LEMD1: variants seen among roughly 807,000 people sequenced by gnomAD.
LEMD1 encodes the protein LEM domain containing 1.
In LEMD1, 18 loss-of-function variants were observed where a neutral mutation model predicts 17.4. That is an observed-to-expected ratio of 1.04 (90% CI 0.72 to 1.54). The LOEUF is 1.54. Ranked by LOEUF, LEMD1 falls within the 40% of genes most tolerant of loss-of-function variation. The pLI, the probability that LEMD1 is intolerant of heterozygous loss-of-function variation, is 0.00. For missense variants in LEMD1, 195 were observed against 210.4 expected (o/e 0.93, Z 0.45); for synonymous variants, 88 against 77.8 (o/e 1.13, Z -0.69).
chr1:205,427,062 G>A (rs568284859), intron 1 of LEMD1, among the ~76,000 whole-genome samples: 6 of 152,156 alleles, frequency 3.9e-5, no homozygotes, highest in African/African-American at 9.6e-5. Flanking sequence ...AACAGGCTCC[G>A]GGGTCATACT....
At chr1:205,391,233 A>G (rs1664316161) in intron 4 of LEMD1, among the ~76,000 whole-genome samples, 2 of 152,196 alleles carry the variant, frequency 1.3e-5, no homozygotes, top group South Asian at 4.1e-4. Context: ...TATTCTGCTA[A>G]GTACAGCCAA....
At chr1:205,403,182 C>T (rs1051218592) in intron 4 of LEMD1, among the ~76,000 whole-genome samples, 3 of 152,206 alleles carry the variant, frequency 2.0e-5, no homozygotes, top group African/African-American at 7.2e-5. Flanking sequence ...TGTGTCTCTG[C>T]CCGGCTTTGG....
intron 1 of LEMD1, among the ~76,000 whole-genome samples, chr1:205,421,195 G>T (rs1032977196): frequency 6.6e-6 from 1 of 152,102 alleles, no homozygotes; most frequent in South Asian, 2.1e-4. Flanking sequence ...GATTCATATA[G>T]ATTTATGTAA....
chr1:205,392,124 A>G (rs576668622), intron 4 of LEMD1, among the ~76,000 whole-genome samples: 1 of 152,032 alleles, frequency 6.6e-6, no homozygotes, highest in African/African-American at 2.4e-5. Context: ...AAAAACAAAA[A>G]ACAAAAACCA....
intron 1 of LEMD1, among the ~76,000 whole-genome samples, chr1:205,443,894 GGAGT>G (rs1666338745): frequency 6.6e-6 from 1 of 152,124 alleles, no homozygotes; most frequent in Non-Finnish European, 1.5e-5. Context: ...AGGTACCTGG[GGAGT>G]CCCTCTGCCA....
intron 4 of LEMD1, among the ~76,000 whole-genome samples, chr1:205,414,927 A>G (rs944090639): frequency 3.9e-5 from 6 of 152,214 alleles, no homozygotes; most frequent in Non-Finnish European, 8.8e-5. Context: ...AAGCTAGGAT[A>G]GCAGCAGGGG....
chr1:205,404,413 A>T (rs1280692969), intron 4 of LEMD1, among the ~76,000 whole-genome samples: 3 of 151,868 alleles, frequency 2.0e-5, no homozygotes, highest in Non-Finnish European at 4.4e-5. Flanking sequence ...ATATTTAGGA[A>T]AGTTAGCTCT....
At chr1:205,405,109 G>C (rs1463817483) in intron 4 of LEMD1, among the ~76,000 whole-genome samples, 3 of 152,136 alleles carry the variant, frequency 2.0e-5, no homozygotes, top group Non-Finnish European at 2.9e-5. Flanking sequence ...TGGGTAACCC[G>C]ACTTTTCTCT....
At chr1:205,393,408 G>T (rs1664433373) in intron 4 of LEMD1, among the ~76,000 whole-genome samples, 1 of 151,680 alleles carries the variant, frequency 6.6e-6, no homozygotes, top group Non-Finnish European at 1.5e-5. Flanking sequence ...GGGCACGGTG[G>T]CTCACACCTG....
chr1:205,436,126 C>T (rs1463832287), intron 1 of LEMD1: 2 of 152,638 alleles, frequency 1.3e-5, no homozygotes, highest in East Asian at 3.9e-4. Flanking sequence ...TTCCTCCCGC[C>T]CCTCAGATGG....
At chr1:205,411,342 C>T (rs938418450) in intron 4 of LEMD1, among the ~76,000 whole-genome samples, 4 of 151,376 alleles carry the variant, frequency 2.6e-5, no homozygotes, top group Non-Finnish European at 5.9e-5. Flanking sequence ...CCGAGGCGGG[C>T]GGATCACGAG....
chr1:205,394,008 A>G (rs1487923554), intron 4 of LEMD1, among the ~76,000 whole-genome samples: 2 of 152,228 alleles, frequency 1.3e-5, no homozygotes, highest in Non-Finnish European at 2.9e-5. Flanking sequence ...CATATAATGG[A>G]ATATAATTCA....
At chr1:205,405,250 G>A (rs1208177338) in intron 4 of LEMD1, among the ~76,000 whole-genome samples, 2 of 151,024 alleles carry the variant, frequency 1.3e-5, no homozygotes, top group Non-Finnish European at 2.9e-5. Flanking sequence ...ATGTTGGCCT[G>A]CCTTGCTAGA....
upstream of LEMD1, among the ~76,000 whole-genome samples, chr1:205,423,145 T>C (rs78242118): frequency 0.049 from 7,429 of 152,264 alleles, 307 homozygotes; most frequent in African/African-American, 0.11. Context: ...CCTTTCCAGA[T>C]TCTGGGAAAG....
At chr1:205,421,820 A>G (rs1334046599) in intron 1 of LEMD1, among the ~76,000 whole-genome samples, 170 bp downstream of exon 1, 1 of 152,176 alleles carries the variant, frequency 6.6e-6, no homozygotes, top group Non-Finnish European at 1.5e-5. Context: ...GGCAGATCCT[A>G]TGACATTTGT....
intron 1 of LEMD1, chr1:205,435,594 A>G (rs1349122614): frequency 6.6e-6 from 1 of 152,224 alleles, no homozygotes; most frequent in African/African-American, 2.4e-5. Flanking sequence ...TTGCTAATTA[A>G]CCAAATTTAA....
chr1:205,432,614 C>G (rs932394757), intron 1 of LEMD1, among the ~76,000 whole-genome samples: 1 of 152,250 alleles, frequency 6.6e-6, no homozygotes, highest in African/African-American at 2.4e-5. Context: ...GGCTTCCTAT[C>G]ATACCTGCCA....
At chr1:205,438,351 G>A (rs929350919) in intron 1 of LEMD1, among the ~76,000 whole-genome samples, 2 of 152,228 alleles carry the variant, frequency 1.3e-5, no homozygotes, top group African/African-American at 2.4e-5. Flanking sequence ...GTCTCTGGGA[G>A]AGAACCATGG....
chr1:205,411,427 C>T (rs553487016), intron 4 of LEMD1, among the ~76,000 whole-genome samples: 418 of 151,658 alleles, frequency 2.8e-3, no homozygotes, highest in African/African-American at 9.8e-3. Flanking sequence ...TGGTGGCGGG[C>T]GCATGTAGTC....
Sources: allele counts gnomAD v4.1 joint callset (sites outside exome capture counted in the v4.1 genomes callset), GRCh38; gene constraint gnomAD v4.1.1; transcripts MANE v1.5; gene names NCBI Gene and HGNC (gene_info 2026-07-23, HGNC 2026-07-21).